The following CAND1 variants were observed in gnomAD, a reference collection of about 807,000 sequenced individuals.
CAND1 encodes cullin-associated NEDD8-dissociated protein 1.
A neutral mutation model predicts 108.5 loss-of-function variants in CAND1; 7 were observed. The observed-to-expected ratio is 0.06, with a 90% CI of 0.04 to 0.12. The LOEUF (loss-of-function observed/expected upper bound fraction) is 0.12, where lower values mean the gene tolerates loss of function less well. Ranked by LOEUF, CAND1 falls within the 10% of genes least tolerant of loss-of-function variation. The pLI is 1.00. For missense variants in CAND1, 941 were observed against 1,448.7 expected, an observed-to-expected ratio of 0.65 and a Z score of 5.69; for synonymous variants, 534 against 512.0, an observed-to-expected ratio of 1.04 and a Z score of -0.58.
intron 8 of CAND1, among the ~76,000 whole-genome samples, chr12:67,303,106 A>C (rs2044842495): frequency 6.6e-6 from 1 of 152,238 alleles, no homozygotes; most frequent in South Asian, 2.1e-4. Context: ...GCCAGTACTT[A>C]CTAATAAAAT....
At position 67,298,996 on chromosome 12, in the gene CAND1, T is replaced by G; in HGVS notation, c.901T>G (p.Cys301Gly). 6.5e-7 allele frequency: 1 copy of G among 1,527,160 alleles called. No individual in the cohort carries two copies. Among genetic ancestry groups the G allele is most frequent in the Non-Finnish European group, 9.1e-7 (1 of 1,103,168 alleles). 94.6% of individuals were successfully genotyped at this position (1,527,160 alleles called of 1,614,324 possible). A position where few individuals can be genotyped will look rare whatever the true frequency, so the allele number is the denominator to read the frequency against. ...TCATGTTTCTACCATTATAAATATTTGTCTTAAATATCTTACCTATGATCC... is the reference window on the plus strand; with the variant it reads ...TCATGTTTCTACCATTATAAATATTGGTCTTAAATATCTTACCTATGATCC... ...YPHVSTIINI[C>G]LKYLTYDPNY... is the part of the protein sequence containing the mutation. The change falls in exon 7 of 15, where the codon TGT becomes GGT. Residue 301 changes from cysteine (C) to glycine (G), a missense_variant. Physicochemically the swap from Cys to Gly is radical, Grantham distance 159. Transcript: ENST00000545606.
chr12:67,273,666 T>A (rs1020159247), intron 1 of CAND1, among the ~76,000 whole-genome samples: 13 of 151,874 alleles, frequency 8.6e-5, no homozygotes, highest in African/African-American at 2.7e-4. Flanking sequence ...TTTATAGAGA[T>A]GGGTATCACC....
chr12:67,292,029 A>AT (rs1162254927), intron 2 of CAND1, among the ~76,000 whole-genome samples: 3 of 151,422 alleles, frequency 2.0e-5, no homozygotes, highest in Non-Finnish European at 4.4e-5. Context: ...TGCCCAGCTA[A>AT]TTTTTTTTTG....
chr12:67,312,797 A>G lies in CAND1; in HGVS notation c.3660A>G (p.Ser1220=). ...TTGAAAGTATCCAGAAAGATTCATC[A>G]TCTACTAACTTGGAATCAATGGACA... ...AIFESIQKDS[S]STNLESMDTS is the part of the protein sequence containing the mutation. Residue 1220 remains serine, a synonymous_variant, in exon 15 of 15, where the codon TCA becomes TCG. Coordinates refer to ENST00000545606, the MANE Select transcript of CAND1 (RefSeq NM_018448.5). 2 of 1,613,262 alleles carry G rather than the reference A, an allele frequency of 1.2e-6. No individual in the cohort carries two copies. The highest frequency in any genetic ancestry group is 1.7e-6 in the Non-Finnish European group (2 of 1,179,526).
intron 2 of CAND1, among the ~76,000 whole-genome samples, chr12:67,289,587 A>G (rs2044703614): frequency 6.6e-6 from 1 of 152,160 alleles, no homozygotes; most frequent in Non-Finnish European, 1.5e-5. Flanking sequence ...GGGTTTCACC[A>G]TGTTGCCCAG....
intron 2 of CAND1, chr12:67,282,276 G>T (rs1040131224): frequency 5.2e-6 from 2 of 382,282 alleles, no homozygotes; most frequent in Non-Finnish European, 9.3e-6. Context: ...TAATTCTTAC[G>T]AAGTGCATGT....
chr12:67,287,605 TA>T (rs1385843526), intron 2 of CAND1, among the ~76,000 whole-genome samples: 5 of 152,114 alleles, frequency 3.3e-5, no homozygotes, highest in African/African-American at 1.2e-4. Flanking sequence ...CCTTTTTTTT[TA>T]ATCATTAATT....
At position 67,318,637 on chromosome 12, in the gene CAND1, C is replaced by T. The variant is rs1435307963; in HGVS notation, c.*5807C>T. On this transcript the variant is annotated 3_prime_UTR_variant, in exon 15 of 15. Transcript: ENST00000545606. ...TTTTCCTCCTTATCTATTGACTGGACTGCGGCAAATGCCTGCTAATCGTTA... is the reference window on the plus strand; with the variant it reads ...TTTTCCTCCTTATCTATTGACTGGATTGCGGCAAATGCCTGCTAATCGTTA... The T allele has an allele frequency of 6.6e-6, 1 of 152,196 alleles. No homozygotes were observed. Among genetic ancestry groups the T allele is most frequent in the African/African-American group, 2.4e-5 (1 of 41,446 alleles). The allele number at this position is 152,196 out of a possible 1,614,324, so 9.4% of individuals were successfully genotyped here.
At chr12:67,291,820 C>T (rs1179608961) in intron 2 of CAND1, among the ~76,000 whole-genome samples, 1 of 152,022 alleles carries the variant, frequency 6.6e-6, no homozygotes, top group African/African-American at 2.4e-5. Context: ...GATGGAACTT[C>T]CATTGTAGAA....
chr12:67,289,317 C>A (rs999017980), intron 2 of CAND1, among the ~76,000 whole-genome samples: 1 of 152,152 alleles, frequency 6.6e-6, no homozygotes, highest in African/African-American at 2.4e-5. Flanking sequence ...CTCCCAGGTT[C>A]AAGTGATTCT....
chr12:67,299,818 A>G (rs2044806939), intron 7 of CAND1, among the ~76,000 whole-genome samples: 1 of 152,142 alleles, frequency 6.6e-6, no homozygotes, highest in African/African-American at 2.4e-5. Context: ...TAAGTTGGTA[A>G]ATTACTAGGT....
rs201576354 is a variant in CAND1 at position 67,305,342 on chromosome 12, G to C, written c.1674G>C (p.Ser558=). The C allele has an allele frequency of 1.8e-4, 289 of 1,613,890 alleles. 1 individual carries two copies. The highest frequency in any genetic ancestry group is 1.5e-3 in the Middle Eastern group (9 of 6,084). The change falls in exon 10 of 15, where the codon TCG becomes TCC. Residue 558 remains serine, a synonymous_variant. Coordinates refer to ENST00000545606, the MANE Select transcript of CAND1 (RefSeq NM_018448.5). This position sits in a 1 kb window ranked among gnomAD's most constrained non-coding sequence, Gnocchi z 4.4. ...KVIRPLDQPS[S]FDATPYIKDL... ...TTCGTCCTTTAGATCAGCCTTCCTC[G>C]TTTGATGCAACTCCTTATATCAAAG...
intron 1 of CAND1, among the ~76,000 whole-genome samples, chr12:67,278,578 G>A (rs112674179): frequency 0.014 from 2,139 of 152,104 alleles, 47 homozygotes; most frequent in African/African-American, 0.048. Flanking sequence ...TAGTGCAGTG[G>A]CTCAATCTCG....
At position 67,299,055 on chromosome 12, in the gene CAND1, A is replaced by G. The variant is rs778233399; in HGVS notation, c.960A>G (p.Glu320=). The G allele has an allele frequency of 4.4e-5, 67 of 1,508,604 alleles. 3 individuals are homozygous for G. The South Asian group carries it at 7.3e-4, about 16-fold the overall frequency. The allele number at this position is 1,508,604 out of a possible 1,614,324, so 93.5% of individuals were successfully genotyped here. A position where few individuals can be genotyped will look rare whatever the true frequency, so the allele number is the denominator to read the frequency against. ...NYNYDDEDED[E]NAMDADGGDD... is the part of the protein sequence containing the mutation. ...ATTACGATGATGAAGATGAAGATGA[A>G]AATGCAATGGATGCTGATGGTGGTG... Residue 320 remains glutamate, a synonymous_variant, in exon 7 of 15, where the codon GAA becomes GAG. Coordinates refer to ENST00000545606, the MANE Select transcript of CAND1 (RefSeq NM_018448.5).
chr12:67,311,646 T>A (rs1398329024), intron 13 of CAND1, 47 bp from the exon 14 acceptor site: 1 of 1,110,750 alleles, frequency 9.0e-7, no homozygotes, highest in Non-Finnish European at 1.3e-6. Flanking sequence ...ATTTTGTTTT[T>A]AGAAAATGAT....
At chr12:67,290,005 T>C (rs1383841974) in intron 2 of CAND1, among the ~76,000 whole-genome samples, 1 of 152,196 alleles carries the variant, frequency 6.6e-6, no homozygotes, top group Non-Finnish European at 1.5e-5. Flanking sequence ...GCCAGTTTTA[T>C]CACATTTCAA....
In CAND1 at chr12:67,319,941, T is replaced by C. The variant is rs560912870; in HGVS notation, c.*7111T>C. The C allele has an allele frequency of 2.0e-5, 3 of 152,360 alleles. No individual in the cohort carries two copies. Among genetic ancestry groups the C allele is most frequent in the African/African-American group, 4.8e-5 (2 of 41,588 alleles). 9.4% of individuals were successfully genotyped at this position (152,360 alleles called of 1,614,324 possible). A position where few individuals can be genotyped will look rare whatever the true frequency, so the allele number is the denominator to read the frequency against. On this transcript the variant is annotated 3_prime_UTR_variant, in exon 15 of 15. Coordinates refer to ENST00000545606, the MANE Select transcript of CAND1 (RefSeq NM_018448.5). Reference sequence around the variant, plus strand: ...CAGTAGAATTTTGACACAATAAATATAAGCACATCAGATTTTTTGCCATCT... The same window carrying C: ...CAGTAGAATTTTGACACAATAAATACAAGCACATCAGATTTTTTGCCATCT...
chr12:67,299,843 A>AT (rs1163332865), intron 7 of CAND1, among the ~76,000 whole-genome samples: 1 of 152,090 alleles, frequency 6.6e-6, no homozygotes, highest in Admixed American at 6.6e-5. Context: ...AGGTTGGTGG[A>AT]TTTTTTGTTA....
chr12:67,287,004 C>G (rs994747637), intron 2 of CAND1, among the ~76,000 whole-genome samples: 2 of 152,166 alleles, frequency 1.3e-5, no homozygotes, highest in African/African-American at 4.8e-5. Flanking sequence ...TTGTTCCATT[C>G]GTTTATTTGT....
Sources: allele counts gnomAD v4.1 joint callset (sites outside exome capture counted in the v4.1 genomes callset), GRCh38; gene constraint gnomAD v4.1.1; non-coding constraint Gnocchi (gnomAD v3.1); transcripts MANE v1.5; gene names NCBI Gene and HGNC (gene_info 2026-07-23, HGNC 2026-07-21).